DCC: variants seen among roughly 807,000 people sequenced by gnomAD.
DCC encodes DCC netrin 1 receptor.
A neutral mutation model predicts 172.5 loss-of-function variants in DCC; 58 were observed. The ratio of observed to expected loss-of-function variants is 0.34; its 90% CI spans 0.27 to 0.42. The LOEUF is 0.42. Ranked by LOEUF, DCC falls within the 10% of genes least tolerant of loss-of-function variation. The pLI is 1.00. For synonymous variants in DCC, 709 were observed against 644.5 expected (o/e 1.10, Z -1.52); for missense variants, 1,740 against 1,791.0 (o/e 0.97, Z 0.51).
At chr18:53,127,747 A>G (rs187722948) in intron 7 of DCC, among the ~76,000 whole-genome samples, 9 of 152,284 alleles carry the variant, frequency 5.9e-5, no homozygotes, top group South Asian at 2.1e-4. Context: ...GCCTTTTAGA[A>G]GTGGTGCCAG....
chr18:52,601,028 G>T (rs1280152788), intron 1 of DCC, among the ~76,000 whole-genome samples: 1 of 152,046 alleles, frequency 6.6e-6, no homozygotes, highest in African/African-American at 2.4e-5. Flanking sequence ...ACTTTTACAT[G>T]TGGGTCATAA....
At chr18:52,439,159 T>G (rs555953076) in intron 1 of DCC, among the ~76,000 whole-genome samples, 1 of 143,194 alleles carries the variant, frequency 7.0e-6, no homozygotes, top group African/African-American at 2.7e-5. Context: ...CTGTTAATAT[T>G]TTGGAAGATA....
At chr18:53,263,678 A>G (rs1447207538) in intron 12 of DCC, among the ~76,000 whole-genome samples, 1 of 152,160 alleles carries the variant, frequency 6.6e-6, no homozygotes, top group Non-Finnish European at 1.5e-5. Context: ...GAAGTTCTGT[A>G]CTAAAGTTGT....
chr18:53,499,215 T>C, intron 26 of DCC, 83 bp from the exon 27 acceptor site: 1 of 1,357,352 alleles, frequency 7.4e-7, no homozygotes, highest in Non-Finnish European at 1.1e-6. Context: ...TCTCTCTGAA[T>C]GGATGCAGGG....
intron 26 of DCC, among the ~76,000 whole-genome samples, chr18:53,498,006 G>GTATC (rs759742848): frequency 3.9e-5 from 6 of 152,134 alleles, no homozygotes; most frequent in East Asian, 1.9e-4. Flanking sequence ...AGCCAACCTT[G>GTATC]TATCTATCTT....
chr18:53,250,135 T>C (rs1025924610), intron 12 of DCC, among the ~76,000 whole-genome samples: 6 of 151,906 alleles, frequency 3.9e-5, no homozygotes, highest in African/African-American at 1.4e-4. Flanking sequence ...TTTTTTAAAA[T>C]GGGGTGGAGT....
chr18:52,842,886 G>A (rs1309962503), intron 2 of DCC, among the ~76,000 whole-genome samples: 5 of 152,150 alleles, frequency 3.3e-5, no homozygotes. Flanking sequence ...TTTGTCTTTA[G>A]CATCTGGCTT....
intron 12 of DCC, among the ~76,000 whole-genome samples, chr18:53,219,070 T>C (rs996375077): frequency 6.6e-6 from 1 of 152,148 alleles, no homozygotes; most frequent in African/African-American, 2.4e-5. Context: ...GTTTTATTTA[T>C]TCAACACTTA....
chr18:53,148,520 G>T (rs2043949541), intron 7 of DCC, among the ~76,000 whole-genome samples: 1 of 152,136 alleles, frequency 6.6e-6, no homozygotes, highest in South Asian at 2.1e-4. Flanking sequence ...TAACTCTCCT[G>T]TAGTTGGGGA....
In DCC at chr18:52,942,116, C is replaced by T. The variant is rs571897540; in HGVS notation, c.985+16746C>T. Among the ~76,000 whole-genome samples, 7 of 152,198 alleles carry T rather than the reference C, an allele frequency of 4.6e-5. No homozygotes were observed. The South Asian group carries it at 1.2e-3, about 27-fold the overall frequency. On this transcript the variant is annotated intron_variant, in intron 5 of 28. Coordinates refer to ENST00000442544, the MANE Select transcript of DCC (RefSeq NM_005215.4). ...GATTTTTAAAAGTAATTACTGCCTGCAGGATTTTGCCACTAATTATGTAGA... is the reference window on the plus strand; with the variant it reads ...GATTTTTAAAAGTAATTACTGCCTGTAGGATTTTGCCACTAATTATGTAGA...
intron 1 of DCC, among the ~76,000 whole-genome samples, chr18:52,347,929 T>A (rs9957070): frequency 0.24 from 37,199 of 151,968 alleles, 4,853 homozygotes; most frequent in African/African-American, 0.32. Context: ...ATAACAATAA[T>A]AATAATGTAA....
intron 2 of DCC, among the ~76,000 whole-genome samples, chr18:52,900,942 T>C (rs1292830167): frequency 6.6e-6 from 1 of 152,170 alleles, no homozygotes; most frequent in East Asian, 1.9e-4. Flanking sequence ...AGGCTGAAAT[T>C]TGTCTATAGG....
At chr18:52,747,084 C>T (rs2036916735) in intron 1 of DCC, among the ~76,000 whole-genome samples, 1 of 42,994 alleles carries the variant, frequency 2.3e-5, no homozygotes, top group South Asian at 1.7e-3. Context: ...TGGCTTTATG[C>T]CTATATTTCA....
intron 13 of DCC, among the ~76,000 whole-genome samples, chr18:53,316,808 CTT>C (rs1308151933): frequency 6.6e-6 from 1 of 152,160 alleles, no homozygotes; most frequent in Admixed American, 6.5e-5. Flanking sequence ...TATCCTGAGA[CTT>C]TGCTGACATT....
At chr18:52,654,461 C>G (rs2035205488) in intron 1 of DCC, among the ~76,000 whole-genome samples, 1 of 152,118 alleles carries the variant, frequency 6.6e-6, no homozygotes, top group African/African-American at 2.4e-5. Context: ...TATTGTCTTA[C>G]AGTTCTGGAG....
At chr18:52,663,604 T>C (rs1401423405) in intron 1 of DCC, among the ~76,000 whole-genome samples, 2 of 152,356 alleles carry the variant, frequency 1.3e-5, no homozygotes, top group South Asian at 2.1e-4. Flanking sequence ...TATGTCATCC[T>C]TCTATGCTGT....
At chr18:53,501,675 C>A (rs968176337) in intron 27 of DCC, among the ~76,000 whole-genome samples, 2 of 152,118 alleles carry the variant, frequency 1.3e-5, no homozygotes, top group African/African-American at 2.4e-5. Context: ...CAAGTAAAAA[C>A]TTTAAGAATA....
intron 7 of DCC, among the ~76,000 whole-genome samples, chr18:53,067,967 A>G (rs531675380): frequency 6.6e-6 from 1 of 152,316 alleles, no homozygotes; most frequent in East Asian, 1.9e-4. Flanking sequence ...CACAAAGATG[A>G]CTTTCTCCTA....
intron 2 of DCC, among the ~76,000 whole-genome samples, chr18:52,808,354 CCAGTAGA>C (rs1312535913): frequency 6.6e-6 from 1 of 151,016 alleles, no homozygotes; most frequent in Non-Finnish European, 1.5e-5. Flanking sequence ...AGGTGACATA[CCAGTAGA>C]CAGCCTGTAA....
Sources: allele counts gnomAD v4.1 joint callset (sites outside exome capture counted in the v4.1 genomes callset), GRCh38; gene constraint gnomAD v4.1.1; transcripts MANE v1.5; gene names NCBI Gene and HGNC (gene_info 2026-07-23, HGNC 2026-07-21).